The following CCDC178 variants were observed in gnomAD, a reference collection of about 807,000 sequenced individuals.
The protein encoded by CCDC178 is coiled-coil domain containing 178.
Under a neutral mutation model 117.4 loss-of-function variants are expected in CCDC178, and 126 were observed. The observed-to-expected ratio is 1.07, with a 90% confidence interval of 0.93 to 1.24. The LOEUF is 1.24. Ranked by LOEUF, CCDC178 falls within the 50% of genes most tolerant of loss-of-function variation. The probability of loss-of-function intolerance (pLI) is 0.00; values close to 1 mark genes in which losing one functional copy is unlikely to be tolerated. For missense variants in CCDC178, 1,030 were observed against 986.9 expected (o/e 1.04, Z -0.59); for synonymous variants, 283 against 313.4 (o/e 0.90, Z 1.02).
At chr18:33,147,256 T>G (rs1194213812) in intron 20 of CCDC178, among the ~76,000 whole-genome samples, 1 of 149,920 alleles carries the variant, frequency 6.7e-6, no homozygotes, top group Non-Finnish European at 1.5e-5. Flanking sequence ...GCTTCCAAGA[T>G]GGTGCCTTAA....
At chr18:33,161,657 C>T (rs970976432) in intron 20 of CCDC178, among the ~76,000 whole-genome samples, 2 of 152,096 alleles carry the variant, frequency 1.3e-5, no homozygotes, top group Admixed American at 6.6e-5. Context: ...GTTATCCTAT[C>T]CATTCACAAT....
At chr18:33,147,176 T>C (rs1729408041) in intron 20 of CCDC178, among the ~76,000 whole-genome samples, 2 of 148,412 alleles carry the variant, frequency 1.3e-5, no homozygotes, top group African/African-American at 2.5e-5. Flanking sequence ...GAACAGAAAT[T>C]TATTTCTTAC....
chr18:33,155,682 T>C lies in CCDC178; in HGVS notation c.2238+56214A>G, dbSNP rs1598940276. Among the ~76,000 whole-genome samples the C allele has an allele frequency of 1.3e-5, 2 of 152,352 alleles. 1 individual carries two copies. Among genetic ancestry groups the C allele is most frequent in the South Asian group, 4.1e-4 (2 of 4,832 alleles). On this transcript the variant is annotated intron_variant, in intron 20 of 22. Coordinates refer to ENST00000383096, the MANE Select transcript of CCDC178 (RefSeq NM_001105528.4). ...TTTTTGTCAAACACTTCTTCGGACCTACTTGATGGTTGACTTTTCTTATAA... is the reference window on the plus strand; with the variant it reads ...TTTTTGTCAAACACTTCTTCGGACCCACTTGATGGTTGACTTTTCTTATAA...
At chr18:33,241,522 C>A (rs182810366) in intron 15 of CCDC178, among the ~76,000 whole-genome samples, 2 of 147,444 alleles carry the variant, frequency 1.4e-5, no homozygotes, top group Non-Finnish European at 3.0e-5. Flanking sequence ...CTTAAAGTTG[C>A]GAGATATAAA....
Position 33,322,024 on chromosome 18 carries a change from A to T in CCDC178, c.1022+1467T>A, listed in dbSNP as rs904177022. Among the ~76,000 whole-genome samples the T allele has an allele frequency of 3.3e-5, 5 of 151,994 alleles. No homozygotes were observed. In the South Asian group the frequency reaches 1.0e-3, roughly 31 times the overall value. ...TAAGCAAAAATGTTCCAAGAGTCAA[A>T]AAAGGTCAATTCCTAATGATAAGGA... On this transcript the variant is annotated intron_variant, in intron 11 of 22. Transcript: ENST00000383096.
At chr18:33,016,132 G>GA (rs1462056751) in intron 21 of CCDC178, among the ~76,000 whole-genome samples, 1 of 151,662 alleles carries the variant, frequency 6.6e-6, no homozygotes, top group African/African-American at 2.4e-5. Flanking sequence ...AAGACAAAGA[G>GA]AAAAAAAGTA....
intron 20 of CCDC178, among the ~76,000 whole-genome samples, chr18:33,148,173 G>C (rs975593198): frequency 2.6e-5 from 4 of 152,242 alleles, no homozygotes; most frequent in Non-Finnish European, 5.9e-5. Flanking sequence ...TGCAATCCTG[G>C]CACCTCGGGA....
intron 3 of CCDC178, among the ~76,000 whole-genome samples, chr18:33,398,959 A>G (rs1393307323): frequency 6.6e-6 from 1 of 152,102 alleles, no homozygotes; most frequent in Admixed American, 6.5e-5. Context: ...AAAGTTAATG[A>G]TTGGCCAAGG....
At chr18:33,227,533 T>C (rs964822010) in intron 15 of CCDC178, among the ~76,000 whole-genome samples, 5 of 48,738 alleles carry the variant, frequency 1.0e-4, no homozygotes, top group Admixed American at 3.1e-4. Context: ...GATATATGTA[T>C]GTGTGTGTGT....
intron 21 of CCDC178, among the ~76,000 whole-genome samples, chr18:33,006,447 A>T (rs575630916): frequency 6.8e-4 from 104 of 152,248 alleles, no homozygotes; most frequent in African/African-American, 2.3e-3. Context: ...TAAATTTTAT[A>T]TGAACAATAT....
chr18:32,970,798 A>C (rs767275007), intron 22 of CCDC178, among the ~76,000 whole-genome samples: 7 of 152,052 alleles, frequency 4.6e-5, no homozygotes, highest in Non-Finnish European at 7.4e-5. Flanking sequence ...GAAGGAGCTT[A>C]GAATCTTCCA....
At chr18:32,965,132 A>G (rs2054784957) in intron 22 of CCDC178, among the ~76,000 whole-genome samples, 1 of 152,014 alleles carries the variant, frequency 6.6e-6, no homozygotes, top group African/African-American at 2.4e-5. Flanking sequence ...ATAAAAATAT[A>G]TCAATACATG....
chr18:33,073,735 A>G (rs72943303), intron 21 of CCDC178, among the ~76,000 whole-genome samples: 3,743 of 152,278 alleles, frequency 0.025, 56 homozygotes, highest in Non-Finnish European at 0.039. Flanking sequence ...GAATTAGATA[A>G]TAAGTTGCTC....
At chr18:32,941,611 C>A (rs1480423719) in intron 22 of CCDC178, among the ~76,000 whole-genome samples, 1 of 152,070 alleles carries the variant, frequency 6.6e-6, no homozygotes, top group Non-Finnish European at 1.5e-5. Context: ...TCAAAGAAAT[C>A]TAACAAGAAG....
intron 12 of CCDC178, among the ~76,000 whole-genome samples, chr18:33,285,799 C>T (rs1472744952): frequency 1.3e-5 from 2 of 151,998 alleles, no homozygotes; most frequent in Non-Finnish European, 2.9e-5. Flanking sequence ...AAATCTTTAG[C>T]ATGGTCATTA....
intron 2 of CCDC178, among the ~76,000 whole-genome samples, chr18:33,414,113 T>C (rs2063899220): frequency 1.3e-5 from 2 of 152,136 alleles, no homozygotes; most frequent in Non-Finnish European, 2.9e-5. Context: ...CTAGAAAACT[T>C]TGCTTAACAT....
chr18:32,947,412 G>T (rs1227622392), intron 22 of CCDC178, among the ~76,000 whole-genome samples: 1 of 152,098 alleles, frequency 6.6e-6, no homozygotes, highest in Admixed American at 6.5e-5. Context: ...GGTGTGTAGT[G>T]GTATCTCATT....
chr18:33,078,371 C>A (rs1292631274), intron 21 of CCDC178, among the ~76,000 whole-genome samples: 1 of 152,114 alleles, frequency 6.6e-6, no homozygotes, highest in South Asian at 2.1e-4. Context: ...AAAACCAGCA[C>A]AAGACAAGAG....
At chr18:33,399,702 TCCA>T (rs1171280327) in intron 3 of CCDC178, among the ~76,000 whole-genome samples, 1 of 152,168 alleles carries the variant, frequency 6.6e-6, no homozygotes, top group African/African-American at 2.4e-5. Context: ...TCTTGCTCTT[TCCA>T]CCACATCTTC....
Sources: allele counts gnomAD v4.1 joint callset (sites outside exome capture counted in the v4.1 genomes callset), GRCh38; gene constraint gnomAD v4.1.1; transcripts MANE v1.5; gene names NCBI Gene and HGNC (gene_info 2026-07-23, HGNC 2026-07-21).